DLGAP2: variants seen among roughly 807,000 people sequenced by gnomAD.
DLGAP2 encodes disks large-associated protein 2.
Under a neutral mutation model 100.3 loss-of-function variants are expected in DLGAP2, and 26 were observed. The observed-to-expected ratio is 0.26, with a 90% CI of 0.19 to 0.36. The LOEUF is 0.36. Among genes scored for constraint, DLGAP2 ranks in the 10% least tolerant of loss-of-function variants. The pLI, the probability that DLGAP2 is intolerant of heterozygous loss-of-function variation, is 1.00. For synonymous variants in DLGAP2, 886 were observed against 630.1 expected, an observed-to-expected ratio of 1.41 and a Z score of -6.08; for missense variants, 1,858 against 1,453.2, an observed-to-expected ratio of 1.28 and a Z score of -4.53.
At chr8:1,267,637 G>GAAATATAAAAATAAAA (rs1382093781) in intron 3 of DLGAP2, among the ~76,000 whole-genome samples, 2 of 91,980 alleles carry the variant, frequency 2.2e-5, no homozygotes, top group African/African-American at 8.6e-5. Context: ...TATTAAATAG[G>GAAATATAAAAATAAAA]TCTACAAAAA....
At chr8:1,509,262 C>G (rs1014198005) in intron 4 of DLGAP2, among the ~76,000 whole-genome samples, 2 of 150,034 alleles carry the variant, frequency 1.3e-5, no homozygotes, top group African/African-American at 4.9e-5. Context: ...ACCCCGGAGG[C>G]AGAGATTGCA....
At chr8:1,450,595 A>G (rs1372274825) in intron 3 of DLGAP2, among the ~76,000 whole-genome samples, 2 of 152,040 alleles carry the variant, frequency 1.3e-5, no homozygotes, top group Non-Finnish European at 2.9e-5. Context: ...CCCCAGGGCT[A>G]CTTCCTCCTG....
At chr8:892,534 G>C (rs886397803) in intron 1 of DLGAP2, among the ~76,000 whole-genome samples, 3 of 151,966 alleles carry the variant, frequency 2.0e-5, no homozygotes, top group African/African-American at 4.9e-5. Context: ...GGGGGTGCCA[G>C]GGGCTGGGGA....
intron 2 of DLGAP2, among the ~76,000 whole-genome samples, chr8:1,104,126 TG>T (rs1804677057): frequency 6.6e-6 from 1 of 152,136 alleles, no homozygotes; most frequent in Non-Finnish European, 1.5e-5. Flanking sequence ...GAGGGAGCCA[TG>T]GGGGTACCAC....
intron 1 of DLGAP2, among the ~76,000 whole-genome samples, chr8:792,081 A>C (rs1340660092): frequency 3.9e-5 from 6 of 152,330 alleles, no homozygotes; most frequent in Middle Eastern, 3.4e-3. Context: ...TCAGCCTTTC[A>C]TGTTTTCTAC....
chr8:1,596,171 C>T lies in DLGAP2; in HGVS notation c.1442+30277C>T, dbSNP rs557528212. ...GTTTGCTGAGAATGATGGTTTCCAG[C>T]TTCATCCATGTCCCTGCAAAGAACA... On this transcript the variant is annotated intron_variant, in intron 6 of 14. Transcript: ENST00000637795. Among the ~76,000 whole-genome samples, 4 of 152,244 alleles carry T rather than the reference C, an allele frequency of 2.6e-5. No homozygotes were observed. In the South Asian group the frequency reaches 6.2e-4, roughly 24 times the overall value.
chr8:1,693,376 C>G (rs1156539060), intron 13 of DLGAP2, among the ~76,000 whole-genome samples: 8 of 150,868 alleles, frequency 5.3e-5, no homozygotes, highest in African/African-American at 1.9e-4. Flanking sequence ...ATATATTTGC[C>G]TACACACATA....
chr8:778,694 C>G (rs892948273), intron 1 of DLGAP2, among the ~76,000 whole-genome samples: 5 of 152,214 alleles, frequency 3.3e-5, no homozygotes, highest in Non-Finnish European at 7.3e-5. Context: ...GGCAGTCTGC[C>G]CCTTCTCAGA....
intron 2 of DLGAP2, among the ~76,000 whole-genome samples, chr8:1,134,741 G>T (rs1796368454): frequency 6.6e-6 from 1 of 152,178 alleles, no homozygotes; most frequent in African/African-American, 2.4e-5. Flanking sequence ...ATTCATGGTG[G>T]AAGGAGAAGC....
intron 3 of DLGAP2, among the ~76,000 whole-genome samples, chr8:1,467,753 G>A (rs1402671111): frequency 6.6e-6 from 1 of 152,060 alleles, no homozygotes; most frequent in East Asian, 1.9e-4. Flanking sequence ...AGTAAGGGGG[G>A]CAGAGTGGCA....
chr8:1,658,517 A>C (rs1483920067), intron 8 of DLGAP2, among the ~76,000 whole-genome samples: 1 of 152,158 alleles, frequency 6.6e-6, no homozygotes, highest in African/African-American at 2.4e-5. Context: ...TGCCTATTTC[A>C]GAACTTGTTA....
At chr8:832,877 T>C (rs1796807394) in intron 1 of DLGAP2, among the ~76,000 whole-genome samples, 2 of 152,180 alleles carry the variant, frequency 1.3e-5, no homozygotes, top group South Asian at 4.1e-4. Flanking sequence ...GCACGGGGTG[T>C]ATGGACATGG....
Position 798,728 on chromosome 8 carries a change from G to A in DLGAP2, c.18+60903G>A, listed in dbSNP as rs1796087333. ...TGCCCCGGCGCTGGCCAGGTGATGG[G>A]TGCCTGCTTCTGTTGGCACTGAAAG... is the stretch of plus-strand genomic sequence containing the variant. On this transcript the variant is annotated intron_variant, in intron 1 of 14. Coordinates refer to ENST00000637795, the MANE Select transcript of DLGAP2 (RefSeq NM_001346810.2). Among the ~76,000 whole-genome samples, 3 of 136,950 alleles carry A rather than the reference G, an allele frequency of 2.2e-5. No homozygotes were observed. The South Asian group carries it at 7.7e-4, about 35-fold the overall frequency. 89.8% of individuals were successfully genotyped at this position (136,950 alleles called of 152,430 possible).
At chr8:800,869 G>C (rs1418210632) in intron 1 of DLGAP2, among the ~76,000 whole-genome samples, 4 of 152,114 alleles carry the variant, frequency 2.6e-5, no homozygotes, top group Admixed American at 2.6e-4. Flanking sequence ...GGCCGGGTCT[G>C]TACTTCCCCC....
intron 1 of DLGAP2, among the ~76,000 whole-genome samples, chr8:868,502 C>T (rs1797538632): frequency 6.6e-6 from 1 of 152,218 alleles, no homozygotes; most frequent in South Asian, 2.1e-4. Flanking sequence ...TTTCACAGCC[C>T]CACAGCCACA....
At chr8:1,483,078 G>A (rs1417060174) in intron 3 of DLGAP2, among the ~76,000 whole-genome samples, 1 of 152,174 alleles carries the variant, frequency 6.6e-6, no homozygotes, top group East Asian at 1.9e-4. Context: ...GAGGCGCAAG[G>A]GAGCCCCGCG....
At chr8:1,585,381 G>A (rs927229072) in intron 6 of DLGAP2, among the ~76,000 whole-genome samples, 2 of 151,996 alleles carry the variant, frequency 1.3e-5, no homozygotes, top group Non-Finnish European at 2.9e-5. Context: ...GGAGAATTGC[G>A]TGAATCTGGG....
chr8:1,533,375 G>A (rs571728900), intron 4 of DLGAP2, among the ~76,000 whole-genome samples: 36 of 151,904 alleles, frequency 2.4e-4, no homozygotes, highest in African/African-American at 7.5e-4. Flanking sequence ...GCGTTGTGGC[G>A]GGCACCTGTA....
intron 2 of DLGAP2, among the ~76,000 whole-genome samples, chr8:1,252,438 T>A (rs1194044866): frequency 6.6e-6 from 1 of 152,194 alleles, no homozygotes; most frequent in Non-Finnish European, 1.5e-5. Flanking sequence ...ATGCCACACT[T>A]GTCACACTGT....
Sources: gnomAD v4.1 joint callset for allele counts (sites outside exome capture counted in the v4.1 genomes callset) on GRCh38, gnomAD v4.1.1 for gene constraint, MANE v1.5 for transcripts, NCBI Gene and HGNC (gene_info 2026-07-23, HGNC 2026-07-21) for gene names.